RMND1: variants seen among roughly 807,000 people sequenced by gnomAD.
RMND1 encodes required for meiotic nuclear division 1 homolog.
A neutral mutation model predicts 54.0 loss-of-function variants in RMND1; 41 were observed. That is an observed-to-expected ratio of 0.76 (90% CI 0.59 to 0.98). The LOEUF is 0.98. RMND1 is among the 50% of genes least tolerant of loss of function. RMND1 has a pLI of 0.00. For synonymous variants in RMND1, 183 were observed against 181.7 expected (o/e 1.01, Z -0.06); for missense variants, 457 against 532.0 (o/e 0.86, Z 1.39).
chr6:151,436,695 G>A, intron 2 of RMND1, 141 bp from the exon 3 acceptor site: 1 of 691,022 alleles, frequency 1.4e-6, no homozygotes, highest in East Asian at 2.8e-5. Context: ...TGATACAAGG[G>A]ATGGGATGAA....
intron 1 of RMND1, 117 bp from the exon 2 acceptor site, chr6:151,445,942 T>A: frequency 2.2e-6 from 2 of 900,346 alleles, no homozygotes; most frequent in Non-Finnish European, 1.6e-6. Flanking sequence ...AGATACATTC[T>A]AAGTTAATTC....
rs560127606 is a variant in RMND1 at position 151,405,370 on chromosome 6, G to A, written c.1318-103C>T. Reference sequence around the variant, plus strand: ...TAATGAGAAATGCTCCTGAAGTAAGGTAAATGTTTGCCCTTTCTCACGTGG... The same window carrying A: ...TAATGAGAAATGCTCCTGAAGTAAGATAAATGTTTGCCCTTTCTCACGTGG... On this transcript the variant is annotated intron_variant, in intron 11 of 11. Transcript: ENST00000444024. The A allele has an allele frequency of 2.6e-4, 287 of 1,124,944 alleles. 1 individual carries two copies. In the African/African-American group the frequency reaches 4.1e-3, roughly 16 times the overall value. The allele number at this position is 1,124,944 out of a possible 1,614,324, so 69.7% of individuals were successfully genotyped here.
chr6:151,416,493 G>C (rs1467415664), intron 10 of RMND1: 1 of 136,018 alleles, frequency 7.4e-6, no homozygotes, highest in Non-Finnish European at 1.5e-5. Flanking sequence ...GCTCGACCTT[G>C]GCTCACTGCA....
chr6:151,440,933 T>C (rs1162915072), intron 2 of RMND1, among the ~76,000 whole-genome samples: 3 of 152,200 alleles, frequency 2.0e-5, no homozygotes, highest in South Asian at 2.1e-4. Context: ...GCTACATATA[T>C]ATGTAAAGCA....
chr6:151,410,154 A>C (rs987566371), intron 10 of RMND1, among the ~76,000 whole-genome samples: 32 of 150,196 alleles, frequency 2.1e-4, no homozygotes, highest in East Asian at 3.9e-4. Context: ...TCCCGGGTTC[A>C]CGCCATTCTC....
At chr6:151,432,414 C>G (rs1188904906) in intron 4 of RMND1, among the ~76,000 whole-genome samples, 1 of 152,110 alleles carries the variant, frequency 6.6e-6, no homozygotes, top group East Asian at 1.9e-4. Flanking sequence ...AAAGAACTTC[C>G]ACTTATCATC....
rs148835765 is a variant in RMND1 at position 151,423,887 on chromosome 6, G to A, written c.831-256C>T. 0.01 allele frequency among the ~76,000 whole-genome samples: 1,545 copies of A among 147,182 alleles called. 25 individuals are homozygous for A. Among genetic ancestry groups the A allele is most frequent in the African/African-American group, 0.034 (1,338 of 39,702 alleles). On this transcript the variant is annotated intron_variant, in intron 6 of 11. Transcript: ENST00000444024. Reference sequence around the variant, plus strand: ...TTTTTTGAGACAGTCTCACTCTGCCGCCCAGGCTAGAGTGCAGTGGTGCGA... The same window carrying A: ...TTTTTTGAGACAGTCTCACTCTGCCACCCAGGCTAGAGTGCAGTGGTGCGA...
At chr6:151,439,762 C>G (rs544974216) in intron 2 of RMND1, among the ~76,000 whole-genome samples, 1 of 152,144 alleles carries the variant, frequency 6.6e-6, no homozygotes, top group Non-Finnish European at 1.5e-5. Flanking sequence ...CCGGTTCAAG[C>G]GATTCTCCTG....
At chr6:151,433,947 C>G (rs1274181086) in intron 3 of RMND1, among the ~76,000 whole-genome samples, 5 of 120,190 alleles carry the variant, frequency 4.2e-5, no homozygotes, top group African/African-American at 1.1e-4. Flanking sequence ...GGACCCCCCC[C>G]CGCCCCACCC....
Position 151,445,696 on chromosome 6 carries a change from G to C in RMND1, c.116C>G (p.Thr39Arg), listed in dbSNP as rs1322625080. ...MLKPLKEFEN[T>R]TCSTLTIRQS... ...ACGTATTGTCAGTGTGCTGCATGTT[G>C]TATTTTCAAATTCCTTAAGTGGTTT... is the stretch of plus-strand genomic sequence containing the variant. The change falls in exon 2 of 12, where the codon ACA (threonine) becomes AGA (arginine). Residue 39 changes from threonine to arginine, a missense_variant. Physicochemically the swap from Thr to Arg is moderately conservative, Grantham distance 71 (BLOSUM62 -1). Coordinates refer to ENST00000444024, the MANE Select transcript of RMND1 (RefSeq NM_017909.4). 1 of 1,614,126 alleles carries C rather than the reference G, an allele frequency of 6.2e-7. No individual in the cohort carries two copies.
At chr6:151,433,524 ATAAT>A (rs1404972122) in intron 3 of RMND1, among the ~76,000 whole-genome samples, 1 of 152,236 alleles carries the variant, frequency 6.6e-6, no homozygotes, top group Non-Finnish European at 1.5e-5. Flanking sequence ...ACTAGTCCAG[ATAAT>A]TAATAAAGTC....
At chr6:151,419,726 A>G (rs1780106025) in intron 9 of RMND1, among the ~76,000 whole-genome samples, 2 of 151,984 alleles carry the variant, frequency 1.3e-5, no homozygotes, top group Admixed American at 6.6e-5. Flanking sequence ...TTAAAAAAAA[A>G]AGGAAAATAT....
chr6:151,422,085 AG>A (rs919729910), intron 8 of RMND1, among the ~76,000 whole-genome samples: 1 of 152,164 alleles, frequency 6.6e-6, no homozygotes, highest in East Asian at 1.9e-4. Flanking sequence ...AGTTTACTGT[AG>A]TTTTCTTATT....
At chr6:151,436,593 G>A (rs748867802) in intron 2 of RMND1, 39 bp from the exon 3 acceptor site, 1 of 1,606,656 alleles carries the variant, frequency 6.2e-7, no homozygotes, top group Non-Finnish European at 8.5e-7. Context: ...GTTACCAAGA[G>A]GCTGAAGCAT....
intron 2 of RMND1, among the ~76,000 whole-genome samples, chr6:151,437,674 T>C (rs1053125549): frequency 6.6e-6 from 1 of 152,204 alleles, no homozygotes. Flanking sequence ...GCTCCCCAAT[T>C]CTTTCCCATT....
At position 151,414,924 on chromosome 6, in the gene RMND1, A is replaced by AAACTGTCT. The variant is rs1200167243; in HGVS notation, c.1200+2354_1200+2355insAGACAGTT. Among the ~76,000 whole-genome samples, 6 of 152,320 alleles carry AAACTGTCT rather than the reference A, an allele frequency of 3.9e-5. No homozygotes were observed. The East Asian group carries it at 1.2e-3, about 29-fold the overall frequency. ...GAAAGAAAGAAAACTGTCTACCTAG[A>AAACTGTCT]ATCCTATTTCTAGGAAAATATCCTG... is the stretch of plus-strand genomic sequence containing the variant. On this transcript the variant is annotated intron_variant, in intron 10 of 11. Transcript: ENST00000444024.
At chr6:151,440,511 A>G (rs932823763) in intron 2 of RMND1, among the ~76,000 whole-genome samples, 1 of 152,216 alleles carries the variant, frequency 6.6e-6, no homozygotes, top group African/African-American at 2.4e-5. Context: ...TTTAAACACA[A>G]TCTGTTTTCA....
rs1582963012 is a variant in RMND1, at chr6:151,436,498, C to T, written c.561G>A (p.Leu187=). 2 of 1,614,022 alleles carry T rather than the reference C, an allele frequency of 1.2e-6. No homozygotes were observed. The highest frequency in any genetic ancestry group is 1.7e-6 in the Non-Finnish European group (2 of 1,179,916). Residue 187 remains leucine (L), a synonymous_variant, in exon 3 of 12, where the codon CTG becomes CTA. Transcript: ENST00000444024. ...ATCCGTGGGAGGCCAGATCTTGAGA[C>T]AGATTTCCCAGATGATACTCATCTG... is the stretch of plus-strand genomic sequence containing the variant. ...ATADEYHLGN[L]SQDLASHGYV...
At chr6:151,436,613 C>G in intron 2 of RMND1, 59 bp from the exon 3 acceptor site, 1 of 1,563,342 alleles carries the variant, frequency 6.4e-7, no homozygotes, top group South Asian at 1.1e-5. Flanking sequence ...TCTGTGACGG[C>G]TGCTGAGCAC....
Sources: allele counts gnomAD v4.1 joint callset (sites outside exome capture counted in the v4.1 genomes callset), GRCh38; gene constraint gnomAD v4.1.1; transcripts MANE v1.5; gene names NCBI Gene and HGNC (gene_info 2026-07-23, HGNC 2026-07-21).